SYK: variants seen among roughly 807,000 people sequenced by gnomAD.
SYK encodes tyrosine-protein kinase SYK.
In SYK, 16 loss-of-function variants were observed where a neutral mutation model predicts 77.8. That is an observed-to-expected ratio of 0.21 (90% CI 0.14 to 0.31). The LOEUF is 0.31. SYK is among the 10% of genes least tolerant of loss of function. SYK has a pLI of 1.00. For missense variants in SYK, 529 were observed against 814.4 expected, an observed-to-expected ratio of 0.65 and a Z score of 4.26; for synonymous variants, 312 against 308.7, an observed-to-expected ratio of 1.01 and a Z score of -0.11.
intron 3 of SYK, among the ~76,000 whole-genome samples, chr9:90,848,372 A>C (rs1022062323): frequency 1.3e-5 from 2 of 152,224 alleles, no homozygotes; most frequent in Admixed American, 1.3e-4. Context: ...TCACTGTGGG[A>C]GTCTGTCCTA....
intron 11 of SYK, 113 bp downstream of exon 11, chr9:90,879,066 A>G (rs1332804078): frequency 2.8e-6 from 2 of 702,302 alleles, no homozygotes; most frequent in African/African-American, 3.6e-5. Context: ...TTTGCTACTG[A>G]AAAATAACTA....
chr9:90,824,662 C>T (rs1825614234), intron 1 of SYK, among the ~76,000 whole-genome samples: 1 of 151,470 alleles, frequency 6.6e-6, no homozygotes, highest in Non-Finnish European at 1.5e-5. Flanking sequence ...ATTTGACAAA[C>T]TCAAAACACT....
chr9:90,866,902 AG>A (rs576949933), intron 6 of SYK, among the ~76,000 whole-genome samples: 98 of 152,304 alleles, frequency 6.4e-4, no homozygotes, highest in African/African-American at 2.4e-3. Flanking sequence ...TGTAGCCTTC[AG>A]TGGAACATAT....
At chr9:90,811,253 T>C (rs941811693) in intron 1 of SYK, among the ~76,000 whole-genome samples, 3 of 152,186 alleles carry the variant, frequency 2.0e-5, no homozygotes, top group African/African-American at 7.2e-5. Context: ...TCAATACTTG[T>C]GGTAAAGCAT....
chr9:90,814,271 A>G (rs553883246), intron 1 of SYK, among the ~76,000 whole-genome samples: 5 of 152,352 alleles, frequency 3.3e-5, no homozygotes, highest in Middle Eastern at 3.4e-3. Context: ...CGGTGTGTTT[A>G]TAAGATGCAG....
At chr9:90,849,025 A>C (rs1402667159) in intron 3 of SYK, among the ~76,000 whole-genome samples, 1 of 152,212 alleles carries the variant, frequency 6.6e-6, no homozygotes, top group African/African-American at 2.4e-5. Flanking sequence ...CACAGAGGCC[A>C]GTGTCACTGG....
rs979835542 is a variant in SYK at position 90,877,703 on chromosome 9, A to G, written c.1314A>G (p.Ile438Met). ...CGTACATCGTGCGGATGATCGGGAT[A>G]TGCGAGGCCGAGTCCTGGATGCTGG... is the stretch of plus-strand genomic sequence containing the variant. Reference protein sequence around the residue: ...DNPYIVRMIGICEAESWMLVM... With the variant: ...DNPYIVRMIGMCEAESWMLVM... The change falls in exon 10 of 14, where the codon ATA becomes ATG. Residue 438 changes from isoleucine to methionine, a missense_variant. Around this residue, in one of 2 missense-constraint regions of SYK, gnomAD observed 208 missense variants for 381.3 expected, o/e 0.55. Coordinates refer to ENST00000375754, the MANE Select transcript of SYK (RefSeq NM_003177.7). The G allele has an allele frequency of 6.2e-7, 1 of 1,614,230 alleles. No homozygotes were observed.
At chr9:90,862,374 G>T in intron 4 of SYK, 30 bp downstream of exon 4, 1 of 1,608,736 alleles carries the variant, frequency 6.2e-7, no homozygotes, top group Non-Finnish European at 8.5e-7. Context: ...CACCTTGTGG[G>T]TAGAGTACAG....
rs201208095 is a variant in SYK, at chr9:90,862,348, C to T, written c.717+4C>T. On this transcript the variant is annotated splice_donor_region_variant and intron_variant, in intron 4 of 13. Coordinates refer to ENST00000375754, the MANE Select transcript of SYK (RefSeq NM_003177.7). ...GAAGTTCGACACGCTCTGGCAGGTA[C>T]CCAGCCTCCTCTCCCCACCTTGTGG... The T allele has an allele frequency of 6.2e-7, 1 of 1,612,976 alleles. No homozygotes were observed. Among genetic ancestry groups the T allele is most frequent in the Non-Finnish European group, 8.5e-7 (1 of 1,179,292 alleles).
chr9:90,818,408 C>A (rs1277792441), intron 1 of SYK, among the ~76,000 whole-genome samples: 2 of 152,210 alleles, frequency 1.3e-5, no homozygotes, highest in Admixed American at 6.5e-5. Context: ...TCAACCAGGC[C>A]ATTTTGTTGG....
intron 11 of SYK, among the ~76,000 whole-genome samples, chr9:90,882,878 A>T (rs565019069): frequency 2.0e-5 from 3 of 152,288 alleles, no homozygotes; most frequent in African/African-American, 7.2e-5. Context: ...GAAAGCATAA[A>T]TGAGAGATCC....
chr9:90,846,748 G>A (rs1415364777), intron 3 of SYK, among the ~76,000 whole-genome samples: 7 of 150,278 alleles, frequency 4.7e-5, no homozygotes, highest in Admixed American at 6.6e-5. Flanking sequence ...AGGTTGCCAC[G>A]CGGCAGTGCC....
intron 1 of SYK, among the ~76,000 whole-genome samples, chr9:90,830,672 G>A (rs566203966): frequency 6.7e-4 from 93 of 139,554 alleles, no homozygotes; most frequent in African/African-American, 2.1e-3. Flanking sequence ...TGCAAACTCC[G>A]CCTCCCAGGT....
At chr9:90,892,402 G>A (rs189570667) in intron 13 of SYK, among the ~76,000 whole-genome samples, 1 of 152,158 alleles carries the variant, frequency 6.6e-6, no homozygotes, top group Non-Finnish European at 1.5e-5. Flanking sequence ...AATCTTTATG[G>A]CTTGCTGCAG....
intron 9 of SYK, among the ~76,000 whole-genome samples, chr9:90,876,555 C>A (rs865922428): frequency 2.6e-5 from 4 of 152,240 alleles, no homozygotes; most frequent in Admixed American, 6.5e-5. Context: ...AAAAATGTTT[C>A]TGTATTAATC....
chr9:90,890,065 C>T (rs543004215), intron 13 of SYK, among the ~76,000 whole-genome samples: 7 of 152,204 alleles, frequency 4.6e-5, no homozygotes, highest in Non-Finnish European at 8.8e-5. Flanking sequence ...AAAATGAACT[C>T]GCAGTGGGGG....
In SYK at chr9:90,898,270, T is replaced by G. The variant is rs201537770; in HGVS notation, c.*2670T>G. 3.5e-5 allele frequency: 8 copies of G among 230,446 alleles called. No individual in the cohort carries two copies. Among genetic ancestry groups the G allele is most frequent in the Non-Finnish European group, 6.0e-5 (7 of 116,318 alleles). 14.3% of individuals were successfully genotyped at this position (230,446 alleles called of 1,614,324 possible). A position where few individuals can be genotyped will look rare whatever the true frequency, so the allele number is the denominator to read the frequency against. ...TCAGTGGTGAAAATCGTTGCATGCA[T>G]GTTTTCATCTGAGCGTGTCCTTCTC... On this transcript the variant is annotated 3_prime_UTR_variant, in exon 14 of 14. Coordinates refer to ENST00000375754, the MANE Select transcript of SYK (RefSeq NM_003177.7).
chr9:90,802,307 C>G (rs1826762515), intron 1 of SYK, among the ~76,000 whole-genome samples: 1 of 152,194 alleles, frequency 6.6e-6, no homozygotes, highest in African/African-American at 2.4e-5. Context: ...TTACACGAAT[C>G]CACTGGAAAA....
chr9:90,887,307 A>C lies in SYK; in HGVS notation c.1582-442A>C, dbSNP rs1199690162. 3.3e-5 allele frequency among the ~76,000 whole-genome samples: 5 copies of C among 152,062 alleles called. No homozygotes were observed. In the South Asian group the frequency reaches 1.0e-3, roughly 31 times the overall value. ...TAGAGGGTGTTTTGTTTATCCACTC[A>C]TCTGCTGAAGGACACTTGGGTTGCT... On this transcript the variant is annotated intron_variant, in intron 11 of 13. Transcript: ENST00000375754.
Sources: gnomAD v4.1 joint callset for allele counts (sites outside exome capture counted in the v4.1 genomes callset) on GRCh38, gnomAD v4.1.1 for gene constraint, gnomAD v4.1.1 regional missense constraint, MANE v1.5 for transcripts, NCBI Gene and HGNC (gene_info 2026-07-23, HGNC 2026-07-21) for gene names.